The following RAP2A variants were observed in gnomAD, a reference collection of about 807,000 sequenced individuals.
RAP2A encodes the protein ras-related protein Rap-2a.
A neutral mutation model predicts 15.1 loss-of-function variants in RAP2A; 5 were observed. The ratio of observed to expected loss-of-function variants is 0.33; its 90% CI spans 0.17 to 0.70. RAP2A has a LOEUF of 0.70. RAP2A is among the 30% of genes least tolerant of loss of function. The pLI, the probability that RAP2A is intolerant of heterozygous loss-of-function variation, is 0.68. For missense variants in RAP2A, 111 were observed against 240.3 expected, an observed-to-expected ratio of 0.46 and a Z score of 3.56; for synonymous variants, 110 against 99.7, an observed-to-expected ratio of 1.10 and a Z score of -0.62.
intron 1 of RAP2A, among the ~76,000 whole-genome samples, chr13:97,454,517 T>C (rs373510510): frequency 1.3e-5 from 2 of 151,248 alleles, no homozygotes; most frequent in African/African-American, 4.9e-5. Flanking sequence ...CTACTTAGAG[T>C]TTGTATTGTA....
intron 1 of RAP2A, among the ~76,000 whole-genome samples, chr13:97,454,589 G>T (rs928948277): frequency 6.6e-6 from 1 of 150,976 alleles, no homozygotes; most frequent in Non-Finnish European, 1.5e-5. Context: ...CAGAGTTTTT[G>T]TATGCGTTAC....
In RAP2A at chr13:97,434,384, G is replaced by A; in HGVS notation, c.-87G>A. 1 of 989,616 alleles carries A rather than the reference G, an allele frequency of 1.0e-6. No individual in the cohort carries two copies. The highest frequency in any genetic ancestry group is 4.5e-5 in the South Asian group (1 of 22,018). 61.3% of individuals were successfully genotyped at this position (989,616 alleles called of 1,614,324 possible). Reference sequence around the variant, plus strand: ...GCGGCAGCGGGAGGCGGCGGGGCGGGCCGCCGGGGCCGGGGCTGGGGGCGC... The same window carrying A: ...GCGGCAGCGGGAGGCGGCGGGGCGGACCGCCGGGGCCGGGGCTGGGGGCGC... On this transcript the variant is annotated 5_prime_UTR_variant, in exon 1 of 2. Coordinates refer to ENST00000245304, the MANE Select transcript of RAP2A (RefSeq NM_021033.7).
intron 1 of RAP2A, among the ~76,000 whole-genome samples, chr13:97,436,705 A>G (rs1226458114): frequency 6.6e-6 from 1 of 152,214 alleles, no homozygotes; most frequent in Non-Finnish European, 1.5e-5. Flanking sequence ...TATTTTCACT[A>G]TGACCCAGAG....
intron 1 of RAP2A, among the ~76,000 whole-genome samples, chr13:97,455,335 CT>C (rs2066718600): frequency 1.3e-5 from 2 of 151,442 alleles, no homozygotes; most frequent in African/African-American, 4.9e-5. Flanking sequence ...ATAATTGCTT[CT>C]TTAAAGTCTG....
chr13:97,454,121 A>C (rs1183886360), intron 1 of RAP2A, among the ~76,000 whole-genome samples: 1 of 151,340 alleles, frequency 6.6e-6, no homozygotes, highest in Non-Finnish European at 1.5e-5. Flanking sequence ...TCTTTCACAG[A>C]GCAAAAATTT....
At position 97,434,290 on chromosome 13, in the gene RAP2A, G is replaced by T. The variant is rs2066622564; in HGVS notation, c.-181G>T. ...CCGGCTCGGCCCGGCCCATGCCCAG[G>T]GCCGCTGCTCCCTCAGTTGCCGCCG... On this transcript the variant is annotated 5_prime_UTR_variant, in exon 1 of 2. Coordinates refer to ENST00000245304, the MANE Select transcript of RAP2A (RefSeq NM_021033.7). 1 of 213,094 alleles carries T rather than the reference G, an allele frequency of 4.7e-6. No homozygotes were observed. The highest frequency in any genetic ancestry group is 7.8e-6 in the Non-Finnish European group (1 of 127,484). The allele number at this position is 213,094 out of a possible 1,614,324, so 13.2% of individuals were successfully genotyped here.
chr13:97,440,675 A>G (rs918156866), intron 1 of RAP2A, among the ~76,000 whole-genome samples: 4 of 152,186 alleles, frequency 2.6e-5, no homozygotes, highest in African/African-American at 9.6e-5. Flanking sequence ...TTGATGTACA[A>G]AAAGCCAGAC....
rs914723328 is a variant in RAP2A, at chr13:97,464,670, T to C, written c.*228T>C. On this transcript the variant is annotated 3_prime_UTR_variant, in exon 2 of 2. Coordinates refer to ENST00000245304, the MANE Select transcript of RAP2A (RefSeq NM_021033.7). The stretch of plus-strand genomic sequence containing the variant: ...TCAGTCTCCTTTATGCATCTGCAAC[T>C]TTAAGGCATAGTCCATCGATCTACA... 1 of 562,570 alleles carries C rather than the reference T, an allele frequency of 1.8e-6. No individual in the cohort carries two copies. Among genetic ancestry groups the C allele is most frequent in the Non-Finnish European group, 3.2e-6 (1 of 316,294 alleles). 34.8% of individuals were successfully genotyped at this position (562,570 alleles called of 1,614,324 possible). A position where few individuals can be genotyped will look rare whatever the true frequency, so the allele number is the denominator to read the frequency against.
chr13:97,455,147 T>G (rs1343761277), intron 1 of RAP2A, among the ~76,000 whole-genome samples: 1 of 151,568 alleles, frequency 6.6e-6, no homozygotes, highest in East Asian at 1.9e-4. Flanking sequence ...TTAGATCATT[T>G]TTGTTGATCT....
Position 97,464,597 on chromosome 13 carries a change from C to T in RAP2A, c.*155C>T. 1 of 713,202 alleles carries T rather than the reference C, an allele frequency of 1.4e-6. No individual in the cohort carries two copies. The highest frequency in any genetic ancestry group is 2.3e-6 in the Non-Finnish European group (1 of 427,110). 44.2% of individuals were successfully genotyped at this position (713,202 alleles called of 1,614,324 possible). Reference sequence around the variant, plus strand: ...TTGAGCAGTGATTGTCAGTTGATATCTCTGAGTAACATTTGGGTTCAGTAA... The same window carrying T: ...TTGAGCAGTGATTGTCAGTTGATATTTCTGAGTAACATTTGGGTTCAGTAA... On this transcript the variant is annotated 3_prime_UTR_variant, in exon 2 of 2. Transcript: ENST00000245304.
At chr13:97,453,578 G>A (rs9513244) in intron 1 of RAP2A, among the ~76,000 whole-genome samples, 37,827 of 151,006 alleles carry the variant, frequency 0.25, 6,222 homozygotes, top group South Asian at 0.41. Flanking sequence ...TTATTGCTGA[G>A]TAGTGTATCT....
At chr13:97,446,360 C>T (rs1485077483) in intron 1 of RAP2A, among the ~76,000 whole-genome samples, 3 of 152,070 alleles carry the variant, frequency 2.0e-5, no homozygotes, top group African/African-American at 7.2e-5. Flanking sequence ...TTTGACCTGG[C>T]CAGCTTCCTT....
chr13:97,445,572 G>A (rs1410559650), intron 1 of RAP2A, among the ~76,000 whole-genome samples: 3 of 152,192 alleles, frequency 2.0e-5, no homozygotes, highest in Non-Finnish European at 4.4e-5. Flanking sequence ...TATAATGTTT[G>A]CATAAACCCT....
At position 97,451,662 on chromosome 13, in the gene RAP2A, G is replaced by A. The variant is rs1341373671; in HGVS notation, c.315-12543G>A. ...TACATATCTTTTGGTGAATGAATAT[G>A]TGTATACTTTCTTTTGGTGTAGCAT... On this transcript the variant is annotated intron_variant, in intron 1 of 1. Coordinates refer to ENST00000245304, the MANE Select transcript of RAP2A (RefSeq NM_021033.7). Among the ~76,000 whole-genome samples the A allele has an allele frequency of 7.8e-5, 10 of 128,324 alleles. 1 individual carries two copies. Among genetic ancestry groups the A allele is most frequent in the South Asian group, 5.1e-4 (2 of 3,948 alleles). 84.2% of individuals were successfully genotyped at this position (128,324 alleles called of 152,430 possible).
intron 1 of RAP2A, among the ~76,000 whole-genome samples, chr13:97,438,061 G>C (rs890122268): frequency 6.6e-6 from 1 of 152,152 alleles, no homozygotes; most frequent in Non-Finnish European, 1.5e-5. Context: ...TTCTTAACTT[G>C]ATTTTGGGTG....
intron 1 of RAP2A, among the ~76,000 whole-genome samples, chr13:97,462,546 G>A (rs1451312431): frequency 2.0e-5 from 3 of 152,178 alleles, no homozygotes; most frequent in South Asian, 2.1e-4. Flanking sequence ...TGTGTCTTAT[G>A]TTCAGAGCTG....
chr13:97,453,309 G>T (rs1462038267), intron 1 of RAP2A, among the ~76,000 whole-genome samples: 1 of 151,118 alleles, frequency 6.6e-6, no homozygotes, highest in Non-Finnish European at 1.5e-5. Context: ...CCTTGATACA[G>T]AACATTTCTA....
intron 1 of RAP2A, among the ~76,000 whole-genome samples, chr13:97,452,307 T>G (rs1594325541): frequency 6.6e-6 from 1 of 151,096 alleles, no homozygotes; most frequent in African/African-American, 2.4e-5. Context: ...TGGTGTGAGA[T>G]AGGGGGTCAG....
chr13:97,456,093 A>G (rs1263521289), intron 1 of RAP2A, among the ~76,000 whole-genome samples: 4 of 151,786 alleles, frequency 2.6e-5, no homozygotes, highest in African/African-American at 4.8e-5. Flanking sequence ...CAGCTCTGCT[A>G]TCACTTACTC....
Sources: allele counts gnomAD v4.1 joint callset (sites outside exome capture counted in the v4.1 genomes callset), GRCh38; gene constraint gnomAD v4.1.1; transcripts MANE v1.5; gene names NCBI Gene and HGNC (gene_info 2026-07-23, HGNC 2026-07-21).